The following HTR1F variants were observed in gnomAD, a reference collection of about 807,000 sequenced individuals.
HTR1F encodes 5-hydroxytryptamine receptor 1F.
HTR1F carries 17 observed loss-of-function variants against 24.0 expected under a neutral mutation model. The observed-to-expected ratio is 0.71, with a 90% CI of 0.48 to 1.06. The LOEUF is 1.06. HTR1F is among the 50% of genes least tolerant of loss of function. The pLI is 0.00. For missense variants in HTR1F, 391 were observed against 427.8 expected (o/e 0.91, Z 0.76); for synonymous variants, 186 against 156.8 (o/e 1.19, Z -1.39).
chr3:87,872,878 A>G (rs904144189), intron 2 of HTR1F, among the ~76,000 whole-genome samples: 3 of 152,104 alleles, frequency 2.0e-5, no homozygotes, highest in African/African-American at 7.2e-5. Flanking sequence ...AAAAATTGAC[A>G]CCAATCCTTC....
intron 2 of HTR1F, among the ~76,000 whole-genome samples, chr3:87,912,061 GCCAGAGCAATCAGA>G (rs1703789934): frequency 6.6e-6 from 1 of 151,946 alleles, no homozygotes; most frequent in Non-Finnish European, 1.5e-5. Context: ...GTAAGTCCTG[GCCAGAGCAATCAGA>G]CAAGAGAAAG....
intron 2 of HTR1F, among the ~76,000 whole-genome samples, chr3:87,953,500 C>T (rs1346232912): frequency 6.7e-6 from 1 of 150,022 alleles, no homozygotes; most frequent in Non-Finnish European, 1.5e-5. Flanking sequence ...ATCATCTAAC[C>T]CCAGTTAGAA....
chr3:87,924,267 C>T (rs367705032), intron 2 of HTR1F, among the ~76,000 whole-genome samples: 25 of 152,032 alleles, frequency 1.6e-4, no homozygotes, highest in East Asian at 1.4e-3. Flanking sequence ...CTAGGTTTAC[C>T]AATTTGTTGA....
chr3:87,901,663 T>C (rs777006708), intron 2 of HTR1F, among the ~76,000 whole-genome samples: 21 of 152,068 alleles, frequency 1.4e-4, no homozygotes, highest in Admixed American at 2.6e-4. Context: ...ATGTGTTAGA[T>C]ATAATTGTTC....
chr3:87,861,080 C>G (rs1182490453), intron 2 of HTR1F, among the ~76,000 whole-genome samples: 2 of 152,140 alleles, frequency 1.3e-5, no homozygotes, highest in Non-Finnish European at 1.5e-5. Flanking sequence ...TTGCTTGAAC[C>G]CGAGAAGCAG....
Position 87,902,288 on chromosome 3 carries a change from A to G in HTR1F, c.-43+80164A>G, listed in dbSNP as rs536848223. On this transcript the variant is annotated intron_variant, in intron 2 of 2. Transcript: ENST00000319595. The stretch of plus-strand genomic sequence containing the variant: ...CGCAGAAATAATCACCTGATTTATA[A>G]TCAATATGCCACCACTATGCAAAGG... Among the ~76,000 whole-genome samples, 10 of 152,278 alleles carry G rather than the reference A, an allele frequency of 6.6e-5. No individual in the cohort carries two copies. In the South Asian group the frequency reaches 1.7e-3, roughly 25 times the overall value.
chr3:87,843,863 T>C (rs1375742959), intron 2 of HTR1F, among the ~76,000 whole-genome samples: 1 of 151,844 alleles, frequency 6.6e-6, no homozygotes, highest in Non-Finnish European at 1.5e-5. Context: ...GAACGCATCA[T>C]TTTTTATGGC....
intron 1 of HTR1F, among the ~76,000 whole-genome samples, chr3:87,817,825 C>T (rs1358124601): frequency 1.3e-5 from 2 of 152,062 alleles, no homozygotes; most frequent in Non-Finnish European, 2.9e-5. Flanking sequence ...TATTGGTTTG[C>T]CGATGCCACC....
At chr3:87,939,201 C>G (rs919626618) in intron 2 of HTR1F, among the ~76,000 whole-genome samples, 4 of 152,176 alleles carry the variant, frequency 2.6e-5, no homozygotes, top group Admixed American at 1.3e-4. Flanking sequence ...TTTGAACCAG[C>G]CTTGCATCAT....
intron 2 of HTR1F, among the ~76,000 whole-genome samples, chr3:87,895,728 G>A (rs1706183778): frequency 6.6e-6 from 1 of 152,110 alleles, no homozygotes; most frequent in South Asian, 2.1e-4. Flanking sequence ...TGTCATACTT[G>A]TAGATAAAAA....
At chr3:87,834,150 T>C (rs1704636820) in intron 2 of HTR1F, among the ~76,000 whole-genome samples, 1 of 152,182 alleles carries the variant, frequency 6.6e-6, no homozygotes, top group Admixed American at 6.6e-5. Context: ...TATATTTGGA[T>C]ATAAAACCCA....
chr3:87,961,553 G>A (rs1254080387), intron 2 of HTR1F, among the ~76,000 whole-genome samples: 1 of 151,964 alleles, frequency 6.6e-6, no homozygotes, highest in Non-Finnish European at 1.5e-5. Flanking sequence ...CTTGAAGGCT[G>A]GAGCTTGAGA....
At chr3:87,982,245 C>T (rs541262371) in intron 2 of HTR1F, among the ~76,000 whole-genome samples, 10 of 152,144 alleles carry the variant, frequency 6.6e-5, no homozygotes, top group South Asian at 2.1e-4. Context: ...TTTTAAATAT[C>T]GAGATATTTT....
intron 2 of HTR1F, among the ~76,000 whole-genome samples, chr3:87,824,135 A>T (rs958141769): frequency 6.6e-6 from 1 of 152,072 alleles, no homozygotes; most frequent in Non-Finnish European, 1.5e-5. Flanking sequence ...GATATCAAAG[A>T]GCTATAAATC....
chr3:87,876,201 T>C (rs566366567), intron 2 of HTR1F, among the ~76,000 whole-genome samples: 1 of 152,234 alleles, frequency 6.6e-6, no homozygotes, highest in African/African-American at 2.4e-5. Context: ...TGAACATTCC[T>C]CAAAAAATTA....
intron 2 of HTR1F, among the ~76,000 whole-genome samples, chr3:87,957,419 G>GT (rs1448332296): frequency 1.3e-5 from 2 of 151,006 alleles, no homozygotes; most frequent in Non-Finnish European, 3.0e-5. Flanking sequence ...TTCTGTTTTT[G>GT]TTTTTTGTGT....
chr3:87,833,601 A>G (rs1704625204), intron 2 of HTR1F, among the ~76,000 whole-genome samples: 1 of 152,104 alleles, frequency 6.6e-6, no homozygotes, highest in Admixed American at 6.5e-5. Flanking sequence ...TCCTGGGCTC[A>G]AGGGATCCTG....
At chr3:87,926,664 G>A (rs144050952) in intron 2 of HTR1F, among the ~76,000 whole-genome samples, 19 of 152,132 alleles carry the variant, frequency 1.2e-4, no homozygotes, top group African/African-American at 4.1e-4. Flanking sequence ...TATACTGAAA[G>A]ATCGTTTTAT....
intron 2 of HTR1F, among the ~76,000 whole-genome samples, chr3:87,921,437 CT>C (rs1027616974): frequency 6.6e-6 from 1 of 151,706 alleles, no homozygotes; most frequent in African/African-American, 2.4e-5. Context: ...ATATAACATG[CT>C]TTTTTTATAC....
Sources: allele counts gnomAD v4.1 joint callset (sites outside exome capture counted in the v4.1 genomes callset), GRCh38; gene constraint gnomAD v4.1.1; transcripts MANE v1.5; gene names NCBI Gene and HGNC (gene_info 2026-07-23, HGNC 2026-07-21).